Variants in SLIT2 observed in about 807,000 individuals in gnomAD.
SLIT2 encodes the protein slit guidance ligand 2, also known as slit homolog 2 protein.
In SLIT2, 41 loss-of-function variants were observed where a neutral mutation model predicts 185.7. That is an observed-to-expected ratio of 0.22 (90% CI 0.17 to 0.29). The LOEUF (loss-of-function observed/expected upper bound fraction) is 0.29, where lower values mean the gene tolerates loss of function less well. SLIT2 is among the 10% of genes least tolerant of loss of function. SLIT2 has a pLI of 1.00. For missense variants in SLIT2, 1,571 were observed against 1,909.0 expected, an observed-to-expected ratio of 0.82 and a Z score of 3.30; for synonymous variants, 693 against 680.2, an observed-to-expected ratio of 1.02 and a Z score of -0.29.
intron 26 of SLIT2, among the ~76,000 whole-genome samples, chr4:20,560,166 T>G (rs1724584154): frequency 6.6e-6 from 1 of 151,958 alleles, no homozygotes; most frequent in Non-Finnish European, 1.5e-5. Flanking sequence ...TTCATGAAAA[T>G]TATGTAAGTA....
chr4:20,447,888 G>A (rs1577676557), intron 4 of SLIT2, among the ~76,000 whole-genome samples: 1 of 152,138 alleles, frequency 6.6e-6, no homozygotes, highest in African/African-American at 2.4e-5. Context: ...TTTACTCATT[G>A]GATATTTGAG....
intron 4 of SLIT2, among the ~76,000 whole-genome samples, chr4:20,438,069 A>G (rs1729479302): frequency 6.6e-6 from 1 of 152,118 alleles, no homozygotes; most frequent in Non-Finnish European, 1.5e-5. Context: ...GCCTGATTCA[A>G]GCTACCTACA....
chr4:20,543,511 A>G (rs1030662957), intron 21 of SLIT2, among the ~76,000 whole-genome samples: 5 of 152,170 alleles, frequency 3.3e-5, no homozygotes, highest in Non-Finnish European at 7.3e-5. Context: ...ATGTGGAACT[A>G]TGGATCAATA....
At chr4:20,614,137 T>C (rs1729455518) in intron 34 of SLIT2, among the ~76,000 whole-genome samples, 1 of 152,070 alleles carries the variant, frequency 6.6e-6, no homozygotes, top group Non-Finnish European at 1.5e-5. Context: ...CCTCCCAAAG[T>C]GCTGGGATTA....
chr4:20,481,010 A>G (rs1057272745), intron 6 of SLIT2, among the ~76,000 whole-genome samples: 1 of 152,070 alleles, frequency 6.6e-6, no homozygotes, highest in Non-Finnish European at 1.5e-5. Flanking sequence ...GGTCACTCAA[A>G]TGTTCTCCTT....
chr4:20,568,439 A>G (rs941739702), intron 28 of SLIT2, among the ~76,000 whole-genome samples: 7 of 152,012 alleles, frequency 4.6e-5, no homozygotes, highest in East Asian at 1.9e-4. Flanking sequence ...CAAGGACATT[A>G]TAAGTATGTT....
chr4:20,472,328 ATAT>A (rs1715271649), intron 5 of SLIT2, among the ~76,000 whole-genome samples: 3 of 94,014 alleles, frequency 3.2e-5, no homozygotes, highest in African/African-American at 1.3e-4. Context: ...ATATATATCT[ATAT>A]ATAGATCTAT....
chr4:20,274,592 G>A (rs937756994), intron 4 of SLIT2, among the ~76,000 whole-genome samples: 1 of 152,100 alleles, frequency 6.6e-6, no homozygotes, highest in Non-Finnish European at 1.5e-5. Flanking sequence ...TACTTCAAAG[G>A]AATTACTAAT....
intron 4 of SLIT2, among the ~76,000 whole-genome samples, chr4:20,363,843 A>G (rs1186773514): frequency 6.6e-6 from 1 of 152,170 alleles, no homozygotes; most frequent in African/African-American, 2.4e-5. Flanking sequence ...AGAACGGGGC[A>G]TTGTAGAATA....
intron 4 of SLIT2, among the ~76,000 whole-genome samples, chr4:20,348,402 C>G (rs1294830446): frequency 5.1e-5 from 2 of 38,980 alleles, no homozygotes; most frequent in African/African-American, 3.1e-4. Context: ...CCATGCCTGG[C>G]TATTTTTTTT....
rs115482451 is a variant in SLIT2 at position 20,610,992 on chromosome 4, A to G, written c.3847+825A>G. Among the ~76,000 whole-genome samples, 315 of 152,364 alleles carry G rather than the reference A, an allele frequency of 2.1e-3. 2 individuals carry two copies. The highest frequency in any genetic ancestry group is 3.8e-3 in the Non-Finnish European group (257 of 68,028). ...CTTGCCTCTATTTGGAGGAACAAATATAAACTGGAGGCATAGAGTTTCAAA... is the reference window on the plus strand; with the variant it reads ...CTTGCCTCTATTTGGAGGAACAAATGTAAACTGGAGGCATAGAGTTTCAAA... On this transcript the variant is annotated intron_variant, in intron 34 of 36. Transcript: ENST00000504154.
At chr4:20,589,983 A>G (rs1227644303) in intron 30 of SLIT2, among the ~76,000 whole-genome samples, 1 of 134,590 alleles carries the variant, frequency 7.4e-6, no homozygotes, top group Non-Finnish European at 1.5e-5. Context: ...TCGGCTCACT[A>G]CAACCTCCTC....
At chr4:20,606,676 T>A (rs1728818314) in intron 33 of SLIT2, among the ~76,000 whole-genome samples, 1 of 152,204 alleles carries the variant, frequency 6.6e-6, no homozygotes, top group Non-Finnish European at 1.5e-5. Context: ...TCTATCTCAC[T>A]CATAATCTCA....
intron 4 of SLIT2, among the ~76,000 whole-genome samples, chr4:20,324,380 C>G (rs1719371722): frequency 7.3e-6 from 1 of 136,274 alleles, no homozygotes. Context: ...TCACCCCGAC[C>G]AGGCCATTTC....
intron 4 of SLIT2, among the ~76,000 whole-genome samples, chr4:20,434,166 C>G (rs1234690565): frequency 6.6e-6 from 1 of 152,020 alleles, no homozygotes; most frequent in Non-Finnish European, 1.5e-5. Context: ...GGGATGCATG[C>G]AGGGAGTGGG....
At chr4:20,428,166 A>C (rs914269799) in intron 4 of SLIT2, among the ~76,000 whole-genome samples, 19 of 152,190 alleles carry the variant, frequency 1.2e-4, no homozygotes, top group Non-Finnish European at 2.2e-4. Context: ...AAATTTTAGT[A>C]TGTGTTTTTA....
At chr4:20,313,330 GAGAGA>G (rs1718287241) in intron 4 of SLIT2, among the ~76,000 whole-genome samples, 1 of 152,158 alleles carries the variant, frequency 6.6e-6, no homozygotes, top group East Asian at 1.9e-4. Flanking sequence ...GCAGGAGGAA[GAGAGA>G]GGGAGGCAGA....
At chr4:20,308,261 C>T (rs1717766404) in intron 4 of SLIT2, among the ~76,000 whole-genome samples, 2 of 152,148 alleles carry the variant, frequency 1.3e-5, no homozygotes, top group Non-Finnish European at 2.9e-5. Flanking sequence ...TTGATCAGCT[C>T]ATTGGCTGGG....
chr4:20,528,458 C>G lies in SLIT2; in HGVS notation c.1463-491C>G. ...ACAAAATCAAAATGAAAAAAGAGGG[C>G]TTTTTAGGCATCTCCGAGATTATGT... On this transcript the variant is annotated intron_variant, in intron 15 of 36. Transcript: ENST00000504154. The surrounding 1 kb of genome is among the most constrained non-coding windows in gnomAD (Gnocchi z 4.2). 1 of 450,498 alleles carries G rather than the reference C, an allele frequency of 2.2e-6. No individual in the cohort carries two copies. Among genetic ancestry groups the G allele is most frequent in the Admixed American group, 2.6e-5 (1 of 38,228 alleles). 27.9% of individuals were successfully genotyped at this position (450,498 alleles called of 1,614,324 possible). A position where few individuals can be genotyped will look rare whatever the true frequency, so the allele number is the denominator to read the frequency against.
Sources: gnomAD v4.1 joint callset for allele counts (sites outside exome capture counted in the v4.1 genomes callset) on GRCh38, gnomAD v4.1.1 for gene constraint, Gnocchi (gnomAD v3.1) non-coding constraint, MANE v1.5 for transcripts, NCBI Gene and HGNC (gene_info 2026-07-23, HGNC 2026-07-21) for gene names.